The following VAC14 variants were observed in gnomAD, a reference collection of about 807,000 sequenced individuals.
The protein encoded by VAC14 is VAC14 component of PIKFYVE complex.
Under a neutral mutation model 85.3 loss-of-function variants are expected in VAC14, and 47 were observed. The ratio of observed to expected loss-of-function variants is 0.55; its 90% CI spans 0.44 to 0.70. The LOEUF (loss-of-function observed/expected upper bound fraction) is 0.70. Ranked by LOEUF, VAC14 falls within the 30% of genes least tolerant of loss-of-function variation. The pLI, the probability that VAC14 is intolerant of heterozygous loss-of-function variation, is 0.00. For synonymous variants in VAC14, 447 were observed against 430.5 expected, an observed-to-expected ratio of 1.04 and a Z score of -0.47; for missense variants, 861 against 1,004.3, an observed-to-expected ratio of 0.86 and a Z score of 1.93.
Position 70,781,925 on chromosome 16 carries a change from G to A in VAC14, c.890C>T (p.Ser297Phe). 2 of 1,614,168 alleles carry A rather than the reference G, an allele frequency of 1.2e-6. No individual in the cohort carries two copies. The highest frequency in any genetic ancestry group is 1.7e-6 in the Non-Finnish European group (2 of 1,180,038). The change falls in exon 8 of 19, where the codon TCC becomes TTC. Residue 297 changes from serine (S) to phenylalanine (F), a missense_variant. Physicochemically the swap from Ser to Phe is radical, Grantham distance 155. Transcript: ENST00000261776. The stretch of plus-strand genomic sequence containing the variant: ...CAAGACAGCAGTCAGGATCCCGGAG[G>A]AGTAAGGCAGCATGACGCGGCCCGC... The part of the protein sequence containing the change: ...QLAGRVMLPY[S>F]SGILTAVLPC...
intron 9 of VAC14, among the ~76,000 whole-genome samples, chr16:70,776,626 C>T (rs557132217): frequency 4.6e-5 from 7 of 152,230 alleles, no homozygotes; most frequent in South Asian, 2.1e-4. Flanking sequence ...GATGGGGTCT[C>T]GCTATATTGC....
At chr16:70,735,951 G>A (rs1445292097) in intron 13 of VAC14, among the ~76,000 whole-genome samples, 1 of 152,246 alleles carries the variant, frequency 6.6e-6, no homozygotes, top group African/African-American at 2.4e-5. Flanking sequence ...CTAAAGAGGT[G>A]GCTGCAGAGA....
chr16:70,762,722 C>G lies in VAC14; in HGVS notation c.1306-117G>C. The G allele has an allele frequency of 6.7e-7, 1 of 1,485,274 alleles. No individual in the cohort carries two copies. Among genetic ancestry groups the G allele is most frequent in the Non-Finnish European group, 9.2e-7 (1 of 1,081,818 alleles). 92.0% of individuals were successfully genotyped at this position (1,485,274 alleles called of 1,614,324 possible). A position where few individuals can be genotyped will look rare whatever the true frequency, so the allele number is the denominator to read the frequency against. On this transcript the variant is annotated intron_variant, in intron 11 of 18. Coordinates refer to ENST00000261776, the MANE Select transcript of VAC14 (RefSeq NM_018052.5). This position sits in a 1 kb window ranked among gnomAD's most constrained non-coding sequence, Gnocchi z 4.1. ...CTGGTCTGCACGGACCACTTCCCTCCCCGACACAATGAGGGCTCCTCGCAG... is the reference window on the plus strand; with the variant it reads ...CTGGTCTGCACGGACCACTTCCCTCGCCGACACAATGAGGGCTCCTCGCAG...
At position 70,785,945 on chromosome 16, in the gene VAC14, C is replaced by T. The variant is rs1488702921; in HGVS notation, c.256-76G>A. On this transcript the variant is annotated intron_variant, in intron 2 of 18. Transcript: ENST00000261776. ...CCCTGCAGCCTGCAGTGCCAGCTGACATCCCAGCTCCCTTGAAGGTGCTCA... is the reference window on the plus strand; with the variant it reads ...CCCTGCAGCCTGCAGTGCCAGCTGATATCCCAGCTCCCTTGAAGGTGCTCA... 7 of 1,483,308 alleles carry T rather than the reference C, an allele frequency of 4.7e-6. No individual in the cohort carries two copies. In the African/African-American group the frequency reaches 8.4e-5, roughly 18 times the overall value. The allele number at this position is 1,483,308 out of a possible 1,614,324, so 91.9% of individuals were successfully genotyped here.
chr16:70,763,951 C>T (rs1376541223), intron 10 of VAC14, among the ~76,000 whole-genome samples: 2 of 152,180 alleles, frequency 1.3e-5, no homozygotes, highest in Admixed American at 6.5e-5. Flanking sequence ...CCCTTCCTAC[C>T]GAGGCACTAC....
intron 9 of VAC14, among the ~76,000 whole-genome samples, chr16:70,780,018 A>ATTTTTTTTTT (rs368861697): frequency 8.9e-6 from 1 of 111,884 alleles, no homozygotes; most frequent in African/African-American, 3.3e-5. Context: ...AATTTTTGTA[A>ATTTTTTTTTT]TTTTTTTTTT....
At chr16:70,700,717 C>A (rs1359613636) in intron 14 of VAC14, among the ~76,000 whole-genome samples, 1 of 152,208 alleles carries the variant, frequency 6.6e-6, no homozygotes, top group Non-Finnish European at 1.5e-5. Context: ...TCCCGGTCCC[C>A]CAACCCCTCC....
Position 70,784,147 on chromosome 16 carries a change from T to A in VAC14, c.560A>T (p.Asn187Ile). Residue 187 changes from asparagine to isoleucine, a missense_variant, in exon 5 of 19, where the codon AAC (asparagine) becomes ATC (isoleucine). Physicochemically the swap from Asn to Ile is moderately radical, Grantham distance 149. Coordinates refer to ENST00000261776, the MANE Select transcript of VAC14 (RefSeq NM_018052.5). ...GATGAACTGCCGGGCATACTGGTTG[T>A]TGGAGTAAATCCTCTCTCGCAACAA... ...IPLLRERIYS[N>I]NQYARQFIIS... 6.2e-7 allele frequency: 1 copy of A among 1,614,208 alleles called. No homozygotes were observed. The highest frequency in any genetic ancestry group is 8.5e-7 in the Non-Finnish European group (1 of 1,180,024).
chr16:70,755,278 G>C (rs906177463), intron 12 of VAC14: 1 of 294,754 alleles, frequency 3.4e-6, no homozygotes, highest in African/African-American at 2.3e-5. Context: ...ACAGCCCATG[G>C]GGCCTGGGAA....
chr16:70,785,605 T>G, intron 3 of VAC14, 97 bp downstream of exon 3: 1 of 1,403,880 alleles, frequency 7.1e-7, no homozygotes, highest in Non-Finnish European at 9.5e-7. Flanking sequence ...TTGTTTGCTC[T>G]GCTTGCATCT....
At chr16:70,755,247 C>A in intron 12 of VAC14, 4 of 337,444 alleles carry the variant, frequency 1.2e-5, no homozygotes, top group South Asian at 8.7e-5. Context: ...TAGGGGCCAC[C>A]AGGTCAGTGA....
chr16:70,768,984 A>G (rs566980154), intron 10 of VAC14: 23 of 274,110 alleles, frequency 8.4e-5, no homozygotes, highest in South Asian at 6.7e-4. Flanking sequence ...TTTTTTTTTA[A>G]TTTTTATTTT....
intron 9 of VAC14, chr16:70,778,429 T>C (rs192302724): frequency 4.9e-4 from 74 of 152,310 alleles, no homozygotes; most frequent in Middle Eastern, 3.4e-3. Context: ...TGACTTTTTT[T>C]TTTTTAAATT....
At chr16:70,735,974 C>G (rs2054738193) in intron 13 of VAC14, among the ~76,000 whole-genome samples, 1 of 152,248 alleles carries the variant, frequency 6.6e-6, no homozygotes, top group Admixed American at 6.5e-5. Flanking sequence ...GCTGTTGAGA[C>G]AGCCCTGCCT....
intron 12 of VAC14, among the ~76,000 whole-genome samples, chr16:70,759,646 AC>A (rs2032157719): frequency 6.6e-6 from 1 of 152,032 alleles, no homozygotes; most frequent in African/African-American, 2.4e-5. Context: ...ACAAACAAAA[AC>A]AAAAAACCCA....
intron 12 of VAC14, among the ~76,000 whole-genome samples, chr16:70,752,393 C>T (rs2031457291): frequency 6.6e-6 from 1 of 152,252 alleles, no homozygotes; most frequent in African/African-American, 2.4e-5. Context: ...TCCGTCTTCT[C>T]TCCCACCCAT....
rs750153269 is a variant in VAC14 at position 70,695,523 on chromosome 16, G to T, written c.2035+21C>A. 3.7e-6 allele frequency: 6 copies of T among 1,612,714 alleles called. No homozygotes were observed. The African/African-American group carries it at 8.0e-5, about 22-fold the overall frequency. ...CAGCCTTGGACTCATGGCGCGAGGTGTGGTGGGAGGTGGTTCTTACATGTG... is the reference window on the plus strand; with the variant it reads ...CAGCCTTGGACTCATGGCGCGAGGTTTGGTGGGAGGTGGTTCTTACATGTG... On this transcript the variant is annotated intron_variant, in intron 17 of 18. Transcript: ENST00000261776.
chr16:70,766,702 G>A, intron 10 of VAC14: 1 of 343,560 alleles, frequency 2.9e-6, no homozygotes, highest in South Asian at 2.2e-5. Flanking sequence ...TGCCTGGCTG[G>A]AGGTGGAGGT....
Position 70,687,945 on chromosome 16 carries a change from G to C in VAC14, c.2332C>G (p.Arg778Gly). The C allele has an allele frequency of 2.6e-6, 4 of 1,566,914 alleles. No homozygotes were observed. The highest frequency in any genetic ancestry group is 3.5e-6 in the Non-Finnish European group (4 of 1,152,766). ...QRSGRGDHLD[R>G]RVVL Reference sequence around the variant, plus strand: ...CAGGCCTGTCAGAGGACAACCCTCCGGTCCAGGTGGTCCCCACGCCCGCTC... The same window carrying C: ...CAGGCCTGTCAGAGGACAACCCTCCCGTCCAGGTGGTCCCCACGCCCGCTC... The change falls in exon 19 of 19, where the codon CGG becomes GGG. Residue 778 changes from arginine to glycine, a missense_variant. Transcript: ENST00000261776.
Sources: gnomAD v4.1 joint callset for allele counts (sites outside exome capture counted in the v4.1 genomes callset) on GRCh38, gnomAD v4.1.1 for gene constraint, Gnocchi (gnomAD v3.1) non-coding constraint, MANE v1.5 for transcripts, NCBI Gene and HGNC (gene_info 2026-07-23, HGNC 2026-07-21) for gene names.